PTPRD: variants seen among roughly 807,000 people sequenced by gnomAD.
PTPRD encodes the protein receptor-type tyrosine-protein phosphatase delta.
In PTPRD, 34 loss-of-function variants were observed where a neutral mutation model predicts 214.5. That is an observed-to-expected ratio of 0.16 (90% confidence interval 0.12 to 0.21). PTPRD has a LOEUF of 0.21. Ranked by LOEUF, PTPRD falls within the 10% of genes least tolerant of loss-of-function variation. The pLI is 1.00. For missense variants in PTPRD, 2,545 were observed against 2,398.7 expected (o/e 1.06, Z -1.27); for synonymous variants, 1,128 against 845.7 (o/e 1.33, Z -5.79).
chr9:8,599,613 CTTTTTTTTT>C (rs1172437057), intron 14 of PTPRD, among the ~76,000 whole-genome samples: 5 of 53,442 alleles, frequency 9.4e-5, no homozygotes, highest in African/African-American at 2.8e-4. Flanking sequence ...CCCGCCCACC[CTTTTTTTTT>C]TTTTTTTTTT....
chr9:8,339,107 A>T (rs1427825295), intron 42 of PTPRD, 60 bp from the exon 43 acceptor site: 1 of 1,418,212 alleles, frequency 7.1e-7, no homozygotes, highest in Non-Finnish European at 9.5e-7. Flanking sequence ...TCTGTATATT[A>T]TCTATCTATC....
At position 9,352,301 on chromosome 9, in the gene PTPRD, C is replaced by T. The variant is rs2051554631; in HGVS notation, c.-203+45148G>A. ...TAGCTCGTAAACACAAACAATACTG[C>T]CAAAAAACCATATATATATATATAT... On this transcript the variant is annotated intron_variant, in intron 9 of 45. Transcript: ENST00000381196. Among the ~76,000 whole-genome samples, 3 of 145,130 alleles carry T rather than the reference C, an allele frequency of 2.1e-5. No individual in the cohort carries two copies. The Admixed American group carries it at 2.1e-4, about 10-fold the overall frequency.
chr9:8,322,823 T>G (rs1829776231), intron 44 of PTPRD, among the ~76,000 whole-genome samples: 1 of 152,292 alleles, frequency 6.6e-6, no homozygotes, highest in Admixed American at 6.5e-5. Flanking sequence ...GAGGAGTCAA[T>G]GCCTGACTTC....
chr9:9,617,069 G>C (rs2094917583), intron 7 of PTPRD, among the ~76,000 whole-genome samples: 1 of 152,180 alleles, frequency 6.6e-6, no homozygotes, highest in Non-Finnish European at 1.5e-5. Context: ...TGTGAAAAGA[G>C]CCACTGTTAA....
chr9:9,946,686 GAAA>G (rs2092607395), intron 4 of PTPRD, among the ~76,000 whole-genome samples: 1 of 152,044 alleles, frequency 6.6e-6, no homozygotes, highest in African/African-American at 2.4e-5. Flanking sequence ...TTGATCAGAG[GAAA>G]AACTGGGAAC....
chr9:10,508,555 A>T (rs1188887438), intron 2 of PTPRD, among the ~76,000 whole-genome samples: 1 of 152,240 alleles, frequency 6.6e-6, no homozygotes, highest in Non-Finnish European at 1.5e-5. Flanking sequence ...CCAAATGGCC[A>T]TCAATAATAG....
chr9:8,601,981 A>T (rs1819271050), intron 14 of PTPRD, among the ~76,000 whole-genome samples: 5 of 152,130 alleles, frequency 3.3e-5, no homozygotes, highest in Admixed American at 3.3e-4. Flanking sequence ...TGGTGACCCA[A>T]TGTAGTGCAC....
At chr9:9,442,814 T>C (rs752046761) in intron 8 of PTPRD, among the ~76,000 whole-genome samples, 1 of 152,206 alleles carries the variant, frequency 6.6e-6, no homozygotes, top group Non-Finnish European at 1.5e-5. Flanking sequence ...TTTAGTGTTT[T>C]ACCCTAAACA....
intron 8 of PTPRD, among the ~76,000 whole-genome samples, chr9:9,561,147 TG>T (rs2082848677): frequency 6.6e-6 from 1 of 152,140 alleles, no homozygotes; most frequent in Non-Finnish European, 1.5e-5. Context: ...TATGGCTACA[TG>T]GTTGTGATAA....
chr9:10,047,202 T>C (rs1272895613), intron 3 of PTPRD, among the ~76,000 whole-genome samples: 1 of 151,976 alleles, frequency 6.6e-6, no homozygotes, highest in Non-Finnish European at 1.5e-5. Context: ...GTGGCACTGG[T>C]GTGCAAATCT....
chr9:8,853,473 A>G (rs1263564706), intron 11 of PTPRD, among the ~76,000 whole-genome samples: 2 of 152,206 alleles, frequency 1.3e-5, no homozygotes, highest in African/African-American at 2.4e-5. Context: ...GCCAAGCATG[A>G]CATTTTAATA....
chr9:9,462,977 G>A (rs534682275), intron 8 of PTPRD, among the ~76,000 whole-genome samples: 9 of 152,248 alleles, frequency 5.9e-5, no homozygotes, highest in African/African-American at 2.2e-4. Flanking sequence ...CAGACACTAT[G>A]TTTTACTGAA....
chr9:10,182,639 T>C (rs534194524), intron 3 of PTPRD, among the ~76,000 whole-genome samples: 69 of 152,294 alleles, frequency 4.5e-4, no homozygotes, highest in Non-Finnish European at 1.5e-4. Flanking sequence ...TCTAACATAC[T>C]AGGAAATAAA....
At position 8,784,818 on chromosome 9, in the gene PTPRD, G is replaced by A. The variant is rs926952010; in HGVS notation, c.-103-50872C>T. ...TAAAAAGTTTGAAAAGCAGAAACAC[G>A]CGTTTTTCTCTATACTGCCTCCATA... On this transcript the variant is annotated intron_variant, in intron 11 of 45. Transcript: ENST00000381196. 2.0e-5 allele frequency among the ~76,000 whole-genome samples: 3 copies of A among 152,176 alleles called. No individual in the cohort carries two copies. In the South Asian group the frequency reaches 6.2e-4, roughly 32 times the overall value.
At chr9:9,159,117 C>T (rs1463226189) in intron 10 of PTPRD, among the ~76,000 whole-genome samples, 1 of 152,124 alleles carries the variant, frequency 6.6e-6, no homozygotes, top group Non-Finnish European at 1.5e-5. Context: ...ATAGTGAAAA[C>T]TTGAAAGCTT....
At chr9:8,409,282 C>T (rs2093321632) in intron 35 of PTPRD, among the ~76,000 whole-genome samples, 1 of 152,144 alleles carries the variant, frequency 6.6e-6, no homozygotes, top group South Asian at 2.1e-4. Flanking sequence ...GGTCAAACAG[C>T]TAGCAGGGAG....
At chr9:8,571,092 C>T (rs757515987) in intron 14 of PTPRD, among the ~76,000 whole-genome samples, 2 of 152,030 alleles carry the variant, frequency 1.3e-5, no homozygotes, top group African/African-American at 2.4e-5. Flanking sequence ...CGAGCTTCCA[C>T]GGCATATTCC....
At chr9:9,997,915 T>G (rs1227595214) in intron 4 of PTPRD, among the ~76,000 whole-genome samples, 1 of 151,582 alleles carries the variant, frequency 6.6e-6, no homozygotes, top group Non-Finnish European at 1.5e-5. Flanking sequence ...TTTAAAAGGC[T>G]AGGATGGGAG....
intron 44 of PTPRD, among the ~76,000 whole-genome samples, chr9:8,322,469 T>A (rs113576317): frequency 6.6e-6 from 1 of 152,294 alleles, no homozygotes; most frequent in Non-Finnish European, 1.5e-5. Context: ...AAGGCCTGCA[T>A]AGAAGATCAA....
Sources: gnomAD v4.1 joint callset for allele counts (sites outside exome capture counted in the v4.1 genomes callset) on GRCh38, gnomAD v4.1.1 for gene constraint, MANE v1.5 for transcripts, NCBI Gene and HGNC (gene_info 2026-07-23, HGNC 2026-07-21) for gene names.